The following CUX1 variants were observed in gnomAD, a reference collection of about 807,000 sequenced individuals.
CUX1 encodes the protein protein CASP.
A neutral mutation model predicts 158.8 loss-of-function variants in CUX1; 31 were observed. The observed-to-expected ratio is 0.20, with a 90% CI of 0.15 to 0.26. The LOEUF (loss-of-function observed/expected upper bound fraction) is 0.26, where lower values mean the gene tolerates loss of function less well. Among genes scored for constraint, CUX1 ranks in the 10% least tolerant of loss-of-function variants. The pLI is 1.00. For synonymous variants in CUX1, 879 were observed against 862.1 expected (o/e 1.02, Z -0.34); for missense variants, 1,589 against 2,014.6 (o/e 0.79, Z 4.04).
chr7:101,998,164 G>A (rs1289330990), intron 2 of CUX1, among the ~76,000 whole-genome samples: 2 of 152,204 alleles, frequency 1.3e-5, no homozygotes, highest in Non-Finnish European at 2.9e-5. Flanking sequence ...CAGATGGCAG[G>A]GCTGTGCCCG....
At chr7:102,058,738 A>G (rs551547253) in intron 3 of CUX1, among the ~76,000 whole-genome samples, 3 of 152,228 alleles carry the variant, frequency 2.0e-5, no homozygotes, top group African/African-American at 7.2e-5. Flanking sequence ...TACTCACAAC[A>G]ATGGTGATGT....
chr7:102,249,159 C>CCGGGCCGGACCTGAGCCCG lies in CUX1; in HGVS notation c.*119_*137dup, dbSNP rs1563488991. 5 of 1,147,636 alleles carry CCGGGCCGGACCTGAGCCCG rather than the reference C, an allele frequency of 4.4e-6. No homozygotes were observed. In the African/African-American group the frequency reaches 8.2e-5, roughly 19 times the overall value. The allele number at this position is 1,147,636 out of a possible 1,614,324, so 71.1% of individuals were successfully genotyped here. On this transcript the variant is annotated 3_prime_UTR_variant, in exon 24 of 24. Coordinates refer to ENST00000292535, the MANE Select transcript of CUX1 (RefSeq NM_181552.4). ...GCTTGGCCCGCGGCCTGCACCGACCCCGGGCCGGACCTGAGCCCGCAGCCC... is the reference window on the plus strand; with the variant it reads ...GCTTGGCCCGCGGCCTGCACCGACCCCGGGCCGGACCTGAGCCCGCGGGCCGGACCTGAGCCCGCAGCCC...
intron 2 of CUX1, chr7:101,959,677 C>A (rs551114340): frequency 1.3e-5 from 2 of 152,112 alleles, no homozygotes; most frequent in Non-Finnish European, 2.9e-5. Flanking sequence ...TCTTTGTTTG[C>A]GTGTATTTTT....
intron 4 of CUX1, among the ~76,000 whole-genome samples, chr7:102,091,906 C>T (rs531331606): frequency 6.6e-6 from 1 of 152,296 alleles, no homozygotes; most frequent in Admixed American, 6.5e-5. Flanking sequence ...CAGGTACGTG[C>T]CACTACACCC....
upstream of CUX1, chr7:101,816,204 G>T (rs1177809531): frequency 3.7e-6 from 1 of 269,594 alleles, no homozygotes; most frequent in African/African-American, 2.3e-5. Flanking sequence ...CGCGGCGGCG[G>T]GGAGGAGGGG....
chr7:101,870,747 T>C (rs1267835640), intron 1 of CUX1, among the ~76,000 whole-genome samples: 4 of 152,234 alleles, frequency 2.6e-5, no homozygotes, highest in Admixed American at 2.6e-4. Flanking sequence ...CTGCAAGATT[T>C]TTCCAACCCT....
intron 1 of CUX1, among the ~76,000 whole-genome samples, chr7:101,878,680 T>G (rs1018560688): frequency 3.6e-5 from 5 of 139,876 alleles, no homozygotes; most frequent in Non-Finnish European, 8.0e-5. Flanking sequence ...TCTTTTTTTG[T>G]TTTTTTTTTT....
intron 7 of CUX1, chr7:102,112,078 G>T: frequency 4.6e-6 from 1 of 216,342 alleles, no homozygotes; most frequent in Non-Finnish European, 8.9e-6. Context: ...AACTGTCAAG[G>T]ACTGACATTT....
chr7:102,223,472 G>A (rs782053430), intron 20 of CUX1, among the ~76,000 whole-genome samples: 1 of 151,976 alleles, frequency 6.6e-6, no homozygotes, highest in Non-Finnish European at 1.5e-5. Flanking sequence ...GGTGGCGAGG[G>A]TGAGGGGACC....
intron 15 of CUX1, chr7:102,274,193 T>C (rs1554547036): frequency 6.4e-7 from 1 of 1,554,336 alleles, no homozygotes; most frequent in Non-Finnish European, 8.9e-7. Context: ...AAGGGAATAT[T>C]CCGTGCCCAT....
chr7:102,278,070 G>A, intron 18 of CUX1: 1 of 1,602,062 alleles, frequency 6.2e-7, no homozygotes, highest in East Asian at 2.2e-5. Context: ...GGCCGGGTGA[G>A]GGCCCTCCCC....
At chr7:101,820,531 T>C (rs1792345739) in intron 1 of CUX1, among the ~76,000 whole-genome samples, 1 of 152,236 alleles carries the variant, frequency 6.6e-6, no homozygotes, top group Non-Finnish European at 1.5e-5. Flanking sequence ...CTATTTAAAA[T>C]TATTGAATAC....
chr7:102,175,589 T>C (rs1455396685), intron 10 of CUX1, among the ~76,000 whole-genome samples: 1 of 152,040 alleles, frequency 6.6e-6, no homozygotes, highest in Non-Finnish European at 1.5e-5. Flanking sequence ...TGCACCTGCC[T>C]GCATGTCCTC....
intron 2 of CUX1, among the ~76,000 whole-genome samples, chr7:101,952,679 C>T (rs925133751): frequency 3.9e-5 from 6 of 152,178 alleles, no homozygotes; most frequent in African/African-American, 1.4e-4. Flanking sequence ...CACGCATTTG[C>T]ACAAATGTGG....
intron 8 of CUX1, among the ~76,000 whole-genome samples, chr7:102,124,151 C>T (rs1217157745): frequency 1.3e-5 from 2 of 152,224 alleles, no homozygotes; most frequent in East Asian, 1.9e-4. Flanking sequence ...AAATGGGTAA[C>T]GGACTGTTGA....
Position 102,251,567 on chromosome 7 carries a change from T to G in CUX1, c.*2525T>G, listed in dbSNP as rs1228849803. The G allele has an allele frequency of 1.0e-6, 1 of 985,246 alleles. No homozygotes were observed. Among genetic ancestry groups the G allele is most frequent in the South Asian group, 4.7e-5 (1 of 21,290 alleles). The allele number at this position is 985,246 out of a possible 1,614,324, so 61.0% of individuals were successfully genotyped here. Reference sequence around the variant, plus strand: ...ATCATTTCTGAACTTGAAATCCAGTTCAGGGAGAAGAGAATTCAAAATTAG... The same window carrying G: ...ATCATTTCTGAACTTGAAATCCAGTGCAGGGAGAAGAGAATTCAAAATTAG... On this transcript the variant is annotated 3_prime_UTR_variant, in exon 24 of 24. Transcript: ENST00000292535.
chr7:102,170,304 T>A, intron 9 of CUX1, 142 bp from the exon 10 acceptor site: 1 of 630,052 alleles, frequency 1.6e-6, no homozygotes, highest in Non-Finnish European at 2.8e-6. Context: ...ATTCTGTGTT[T>A]TTTTTCCTAG....
chr7:102,067,459 A>C (rs191901858), intron 3 of CUX1, among the ~76,000 whole-genome samples: 203 of 151,480 alleles, frequency 1.3e-3, no homozygotes, highest in African/African-American at 4.6e-3. Context: ...GCTGGTCTTA[A>C]ACTCTTGACC....
chr7:102,018,442 G>A (rs1818931832), intron 2 of CUX1, among the ~76,000 whole-genome samples: 1 of 152,234 alleles, frequency 6.6e-6, no homozygotes, highest in South Asian at 2.1e-4. Flanking sequence ...TCCTGTGCCA[G>A]GTGGGCTAGC....
Sources: gnomAD v4.1 joint callset for allele counts (sites outside exome capture counted in the v4.1 genomes callset) on GRCh38, gnomAD v4.1.1 for gene constraint, MANE v1.5 for transcripts, NCBI Gene and HGNC (gene_info 2026-07-23, HGNC 2026-07-21) for gene names.